The following CACNA1E variants were observed in gnomAD, a reference collection of about 807,000 sequenced individuals.
CACNA1E encodes the protein calcium voltage-gated channel subunit alpha1 E, also known as voltage-dependent R-type calcium channel subunit alpha-1E.
In CACNA1E, 40 loss-of-function variants were observed where a neutral mutation model predicts 259.2. The observed-to-expected ratio is 0.15, with a 90% confidence interval of 0.12 to 0.20. The LOEUF (loss-of-function observed/expected upper bound fraction) is 0.20. Among genes scored for constraint, CACNA1E ranks in the 10% least tolerant of loss-of-function variants. CACNA1E has a pLI of 1.00. For missense variants in CACNA1E, 1,874 were observed against 3,040.1 expected, an observed-to-expected ratio of 0.62 and a Z score of 9.02; for synonymous variants, 1,104 against 1,138.5, an observed-to-expected ratio of 0.97 and a Z score of 0.61.
intron 7 of CACNA1E, among the ~76,000 whole-genome samples, chr1:181,690,499 C>T (rs1651035713): frequency 6.6e-6 from 1 of 152,066 alleles, no homozygotes. Flanking sequence ...GTAGTTTTTT[C>T]CAATTCTGTG....
At chr1:181,616,438 G>A (rs1655215991) in intron 6 of CACNA1E, among the ~76,000 whole-genome samples, 1 of 152,084 alleles carries the variant, frequency 6.6e-6, no homozygotes, top group South Asian at 2.1e-4. Context: ...GAATAGGCTG[G>A]GGACAGTGGC....
chr1:181,646,979 A>T (rs80336950), intron 6 of CACNA1E, among the ~76,000 whole-genome samples: 145 of 151,892 alleles, frequency 9.5e-4, no homozygotes, highest in African/African-American at 3.4e-3. Context: ...CGTCGTGCAC[A>T]CGTGTGCATG....
intron 7 of CACNA1E, among the ~76,000 whole-genome samples, chr1:181,658,124 A>C (rs531279622): frequency 6.6e-6 from 1 of 152,326 alleles, no homozygotes; most frequent in East Asian, 1.9e-4. Flanking sequence ...ATTTGGGGAG[A>C]AAAGTAGATG....
At chr1:181,631,079 A>T (rs1656690323) in intron 6 of CACNA1E, among the ~76,000 whole-genome samples, 1 of 152,188 alleles carries the variant, frequency 6.6e-6, no homozygotes, top group African/African-American at 2.4e-5. Flanking sequence ...CTACTCTCCA[A>T]GAACAAACAA....
At chr1:181,391,610 A>AG (rs1052441490) in intron 1 of CACNA1E, among the ~76,000 whole-genome samples, 1 of 152,096 alleles carries the variant, frequency 6.6e-6, no homozygotes, top group Non-Finnish European at 1.5e-5. Flanking sequence ...CAAGAGGGAG[A>AG]GGGGAAATAC....
intron 6 of CACNA1E, among the ~76,000 whole-genome samples, chr1:181,647,835 T>G (rs1345902617): frequency 6.6e-6 from 1 of 152,092 alleles, no homozygotes; most frequent in Non-Finnish European, 1.5e-5. Flanking sequence ...TGGACAAACA[T>G]GCAAGGGGAG....
chr1:181,619,743 T>C (rs755380156), intron 6 of CACNA1E, among the ~76,000 whole-genome samples: 4 of 152,104 alleles, frequency 2.6e-5, no homozygotes, highest in Non-Finnish European at 4.4e-5. Flanking sequence ...CTGATGGATT[T>C]ATTGATGAAC....
chr1:181,738,064 G>A (rs1408507954), intron 23 of CACNA1E, among the ~76,000 whole-genome samples: 3 of 152,238 alleles, frequency 2.0e-5, no homozygotes, highest in African/African-American at 7.2e-5. Flanking sequence ...CAGGTCCCGA[G>A]CCTGAACTAA....
chr1:181,330,850 T>C (rs1386411144), intron 1 of CACNA1E, among the ~76,000 whole-genome samples: 1 of 152,230 alleles, frequency 6.6e-6, no homozygotes, highest in Non-Finnish European at 1.5e-5. Context: ...GTAGGAATAG[T>C]ACCTAACCTC....
intron 1 of CACNA1E, among the ~76,000 whole-genome samples, chr1:181,371,963 T>G (rs770964287): frequency 6.6e-6 from 1 of 152,342 alleles, no homozygotes; most frequent in South Asian, 2.1e-4. Context: ...TTTGTACCAG[T>G]ACCATGCTGT....
intron 3 of CACNA1E, among the ~76,000 whole-genome samples, chr1:181,567,810 T>C (rs1045522639): frequency 1.3e-5 from 2 of 152,148 alleles, no homozygotes; most frequent in Admixed American, 6.5e-5. Flanking sequence ...ATCAGCTCCT[T>C]TGGAGGGTCA....
intron 1 of CACNA1E, among the ~76,000 whole-genome samples, chr1:181,364,579 T>C (rs114849684): frequency 0.013 from 1,908 of 152,012 alleles, 36 homozygotes; most frequent in African/African-American, 0.044. Flanking sequence ...AACACAGGGG[T>C]TGAATTGCAG....
intron 1 of CACNA1E, among the ~76,000 whole-genome samples, chr1:181,370,676 G>A (rs544971629): frequency 7.9e-5 from 12 of 152,124 alleles, no homozygotes; most frequent in East Asian, 3.9e-4. Context: ...TATCTAGTCC[G>A]TCATTGGTGG....
chr1:181,447,632 A>G (rs941825833), intron 2 of CACNA1E, among the ~76,000 whole-genome samples: 5 of 152,208 alleles, frequency 3.3e-5, no homozygotes, highest in African/African-American at 1.2e-4. Flanking sequence ...TTAGTAGTTT[A>G]AAAAAACTCC....
At chr1:181,414,751 T>C (rs1216312395) in intron 2 of CACNA1E, among the ~76,000 whole-genome samples, 2 of 152,376 alleles carry the variant, frequency 1.3e-5, no homozygotes, top group East Asian at 1.9e-4. Context: ...AGAAGTTAAG[T>C]GACTTTCTCA....
chr1:181,528,768 T>C (rs930893494), intron 3 of CACNA1E, among the ~76,000 whole-genome samples: 1 of 152,130 alleles, frequency 6.6e-6, no homozygotes, highest in African/African-American at 2.4e-5. Flanking sequence ...AGAGAGATGA[T>C]TTAGGGTGTC....
intron 26 of CACNA1E, among the ~76,000 whole-genome samples, chr1:181,751,643 AC>A (rs879885515): frequency 1.3e-5 from 2 of 152,322 alleles, no homozygotes; most frequent in Non-Finnish European, 2.9e-5. Flanking sequence ...CCCTGATGAG[AC>A]TTGCTCTCAA....
intron 1 of CACNA1E, among the ~76,000 whole-genome samples, chr1:181,497,490 A>G (rs368021626): frequency 1.2e-4 from 18 of 152,178 alleles, no homozygotes; most frequent in African/African-American, 2.9e-4. Flanking sequence ...CTGTTCCTCA[A>G]TATGCATCCC....
chr1:181,570,308 C>T (rs1558138243), intron 3 of CACNA1E, among the ~76,000 whole-genome samples: 1 of 152,050 alleles, frequency 6.6e-6, no homozygotes, highest in Non-Finnish European at 1.5e-5. Context: ...GGGGACTTAA[C>T]CTTGACCACA....
Sources: gnomAD v4.1 joint callset for allele counts (sites outside exome capture counted in the v4.1 genomes callset) on GRCh38, gnomAD v4.1.1 for gene constraint, MANE v1.5 for transcripts, NCBI Gene and HGNC (gene_info 2026-07-23, HGNC 2026-07-21) for gene names.